CENPP: variants seen among roughly 807,000 people sequenced by gnomAD.
CENPP encodes centromere protein P.
In CENPP, 24 loss-of-function variants were observed where a neutral mutation model predicts 35.6. The observed-to-expected ratio is 0.67, with a 90% confidence interval of 0.49 to 0.95. The LOEUF (loss-of-function observed/expected upper bound fraction) is 0.95. Among genes scored for constraint, CENPP ranks in the 40% least tolerant of loss-of-function variants. The pLI, the probability that CENPP is intolerant of heterozygous loss-of-function variation, is 0.00. For missense variants in CENPP, 332 were observed against 345.3 expected, an observed-to-expected ratio of 0.96 and a Z score of 0.31; for synonymous variants, 120 against 125.5, an observed-to-expected ratio of 0.96 and a Z score of 0.29.
At chr9:92,474,830 T>C (rs377478533) in intron 5 of CENPP, 13 of 1,613,786 alleles carry the variant, frequency 8.1e-6, no homozygotes, top group African/African-American at 1.3e-5. Context: ...CAGTGCGATG[T>C]GTGAAGGGCT....
chr9:92,352,505 G>GTGTGTGTGTGTGTA, intron 4 of CENPP, among the ~76,000 whole-genome samples: 1 of 49,794 alleles, frequency 2.0e-5, no homozygotes. Context: ...GTGTGTGTGT[G>GTGTGTGTGTGTGTA]TATACATATA....
chr9:92,417,333 T>C (rs1843645221), intron 5 of CENPP: 1 of 1,613,984 alleles, frequency 6.2e-7, no homozygotes, highest in Non-Finnish European at 8.5e-7. Flanking sequence ...TCACAGTACA[T>C]TGATGATGGA....
At chr9:92,374,241 C>CTGTG (rs10569730) in intron 4 of CENPP, among the ~76,000 whole-genome samples, 37,501 of 142,608 alleles carry the variant, frequency 0.26, 5,583 homozygotes, top group South Asian at 0.37. Flanking sequence ...TTGCTGTTTG[C>CTGTG]TGTGTGTGTG....
At chr9:92,353,307 A>G (rs1348633984) in intron 4 of CENPP, among the ~76,000 whole-genome samples, 1 of 152,020 alleles carries the variant, frequency 6.6e-6, no homozygotes. Flanking sequence ...TTTACTACCC[A>G]TTATGTATTC....
intron 5 of CENPP, among the ~76,000 whole-genome samples, chr9:92,418,050 G>A (rs1843670993): frequency 6.6e-6 from 1 of 151,024 alleles, no homozygotes; most frequent in Non-Finnish European, 1.5e-5. Context: ...TAATGTTTAA[G>A]TACAAATGAA....
chr9:92,525,751 G>C (rs953947192), intron 5 of CENPP, among the ~76,000 whole-genome samples: 4 of 151,924 alleles, frequency 2.6e-5, no homozygotes, highest in African/African-American at 7.3e-5. Context: ...TTAGCTGTGT[G>C]TGGTGGTGCA....
At chr9:92,569,074 A>T (rs1472873252) in intron 5 of CENPP, among the ~76,000 whole-genome samples, 1 of 152,022 alleles carries the variant, frequency 6.6e-6, no homozygotes. Context: ...GTGCAGAAGC[A>T]CTTTAGTTTA....
intron 5 of CENPP, among the ~76,000 whole-genome samples, chr9:92,605,171 G>A (rs1413922464): frequency 6.6e-6 from 1 of 151,950 alleles, no homozygotes; most frequent in African/African-American, 2.4e-5. Context: ...AGTAGAGAAG[G>A]GGTTACACCA....
intron 4 of CENPP, among the ~76,000 whole-genome samples, chr9:92,379,379 A>G (rs1343193042): frequency 6.6e-6 from 1 of 152,234 alleles, no homozygotes; most frequent in Non-Finnish European, 1.5e-5. Flanking sequence ...CATTAGCATA[A>G]CAAAGACACA....
intron 5 of CENPP, among the ~76,000 whole-genome samples, chr9:92,440,421 C>T (rs1284571980): frequency 3.9e-5 from 6 of 151,986 alleles, no homozygotes; most frequent in African/African-American, 1.2e-4. Flanking sequence ...AGAAAGCTTA[C>T]GAATTTGTGT....
Position 92,616,234 on chromosome 9 carries a change from T to C in CENPP, c.*3085T>C. 1 of 563,042 alleles carries C rather than the reference T, an allele frequency of 1.8e-6. No homozygotes were observed. Among genetic ancestry groups the C allele is most frequent in the Non-Finnish European group, 3.2e-6 (1 of 314,290 alleles). The allele number at this position is 563,042 out of a possible 1,614,324, so 34.9% of individuals were successfully genotyped here. On this transcript the variant is annotated 3_prime_UTR_variant, in exon 8 of 8. Coordinates refer to ENST00000375587, the MANE Select transcript of CENPP (RefSeq NM_001012267.3). ...GAAGTGAATGGCCTCACACCCCAGC[T>C]CACAAAGAGCACTCGTTCTGTGCAC... is the stretch of plus-strand genomic sequence containing the variant.
In CENPP at chr9:92,453,569, A is replaced by T. The variant is rs78306359; in HGVS notation, c.564+73710A>T. Among the ~76,000 whole-genome samples, 736 of 152,248 alleles carry T rather than the reference A, an allele frequency of 4.8e-3. 4 individuals carry two copies. Among genetic ancestry groups the T allele is most frequent in the African/African-American group, 0.015 (640 of 41,530 alleles). Reference sequence around the variant, plus strand: ...TGTGGTGTGGTGCTGAAAAAAAAGTATATTCTGTTGATTTGGGGTGGAGAG... The same window carrying T: ...TGTGGTGTGGTGCTGAAAAAAAAGTTTATTCTGTTGATTTGGGGTGGAGAG... On this transcript the variant is annotated intron_variant, in intron 5 of 7. Transcript: ENST00000375587.
intron 4 of CENPP, among the ~76,000 whole-genome samples, chr9:92,377,439 A>G (rs958869538): frequency 3.3e-5 from 5 of 152,172 alleles, no homozygotes; most frequent in African/African-American, 1.2e-4. Context: ...TGTTGTCAGG[A>G]TTAGGTTCTC....
At chr9:92,329,534 C>CT (rs758784770) in intron 1 of CENPP, among the ~76,000 whole-genome samples, 1 of 151,888 alleles carries the variant, frequency 6.6e-6, no homozygotes, top group East Asian at 1.9e-4. Flanking sequence ...TTTTCTTTTT[C>CT]TTTTTTGTTT....
chr9:92,380,339 C>T (rs1003041479), intron 5 of CENPP, among the ~76,000 whole-genome samples: 2 of 152,160 alleles, frequency 1.3e-5, no homozygotes, highest in South Asian at 2.1e-4. Flanking sequence ...CTTTTATTCC[C>T]TTTCTTTGTT....
chr9:92,602,559 C>T (rs540393028), intron 5 of CENPP, among the ~76,000 whole-genome samples: 11 of 152,316 alleles, frequency 7.2e-5, no homozygotes, highest in African/African-American at 2.4e-4. Context: ...CTGTCAAGAC[C>T]AGCCATGCTG....
At chr9:92,586,342 G>C (rs917783326) in intron 5 of CENPP, among the ~76,000 whole-genome samples, 1 of 151,988 alleles carries the variant, frequency 6.6e-6, no homozygotes, top group African/African-American at 2.4e-5. Flanking sequence ...ACCGCGCCCA[G>C]CCTGTAGAAA....
At chr9:92,412,110 C>T (rs1489428520) in intron 5 of CENPP, among the ~76,000 whole-genome samples, 2 of 151,638 alleles carry the variant, frequency 1.3e-5, no homozygotes, top group East Asian at 1.9e-4. Context: ...TTTTTAGAGA[C>T]GGGGTCTCAC....
chr9:92,574,430 AC>A (rs1564008228), intron 5 of CENPP, among the ~76,000 whole-genome samples: 1 of 152,228 alleles, frequency 6.6e-6, no homozygotes, highest in East Asian at 1.9e-4. Flanking sequence ...ATTTCTATAC[AC>A]TAACAGTGAA....
Sources: gnomAD v4.1 joint callset for allele counts (sites outside exome capture counted in the v4.1 genomes callset) on GRCh38, gnomAD v4.1.1 for gene constraint, MANE v1.5 for transcripts, NCBI Gene and HGNC (gene_info 2026-07-23, HGNC 2026-07-21) for gene names.